The following RGS6 variants were observed in gnomAD, a reference collection of about 807,000 sequenced individuals.
RGS6 encodes regulator of G-protein signaling 6.
In RGS6, 30 loss-of-function variants were observed where a neutral mutation model predicts 78.5. The ratio of observed to expected loss-of-function variants is 0.38; its 90% CI spans 0.29 to 0.52. The LOEUF is 0.52. RGS6 is among the 20% of genes least tolerant of loss of function. The pLI is 0.85. For missense variants in RGS6, 495 were observed against 609.7 expected (o/e 0.81, Z 1.98); for synonymous variants, 206 against 206.0 (o/e 1.00, Z 0.00).
At chr14:72,248,848 T>C (rs1567575047) in intron 2 of RGS6, among the ~76,000 whole-genome samples, 1 of 152,226 alleles carries the variant, frequency 6.6e-6, no homozygotes, top group Non-Finnish European at 1.5e-5. Context: ...GGTTGAGAGT[T>C]ATGAGCACTG....
At chr14:72,093,344 G>A in intron 2 of RGS6, among the ~76,000 whole-genome samples, 1 of 152,142 alleles carries the variant, frequency 6.6e-6, no homozygotes, top group East Asian at 1.9e-4. Flanking sequence ...CCGGGCTCAA[G>A]TGATCCTCCT....
intron 2 of RGS6, among the ~76,000 whole-genome samples, chr14:72,299,794 T>C (rs1432267635): frequency 6.6e-6 from 1 of 152,210 alleles, no homozygotes; most frequent in African/African-American, 2.4e-5. Context: ...TGGGGAAATA[T>C]CCATTCAGCC....
intron 2 of RGS6, among the ~76,000 whole-genome samples, chr14:72,308,768 G>T (rs1320445983): frequency 6.6e-6 from 1 of 152,122 alleles, no homozygotes; most frequent in African/African-American, 2.4e-5. Flanking sequence ...GCCAAAAGGG[G>T]GTGCAATATT....
intron 2 of RGS6, among the ~76,000 whole-genome samples, chr14:72,342,446 A>T (rs1231868681): frequency 6.6e-6 from 1 of 151,954 alleles, no homozygotes; most frequent in Non-Finnish European, 1.5e-5. Flanking sequence ...CACACATGTA[A>T]TCCCAGCTAC....
At chr14:72,028,079 C>A (rs2090214617) in intron 2 of RGS6, among the ~76,000 whole-genome samples, 1 of 152,206 alleles carries the variant, frequency 6.6e-6, no homozygotes, top group Non-Finnish European at 1.5e-5. Flanking sequence ...ACAAAGCCAA[C>A]CTTGCAGTTT....
intron 3 of RGS6, among the ~76,000 whole-genome samples, chr14:72,358,681 G>C (rs1384874529): frequency 2.6e-5 from 4 of 152,342 alleles, no homozygotes; most frequent in African/African-American, 7.2e-5. Context: ...TAACTAGCTT[G>C]CTTTTGATTT....
chr14:71,950,713 A>G (rs1461678539), intron 1 of RGS6, among the ~76,000 whole-genome samples: 2 of 152,164 alleles, frequency 1.3e-5, no homozygotes, highest in Non-Finnish European at 2.9e-5. Flanking sequence ...ACTTAAATTT[A>G]TGAGCAAAAA....
At chr14:72,304,877 T>C (rs1442663698) in intron 2 of RGS6, among the ~76,000 whole-genome samples, 1 of 93,260 alleles carries the variant, frequency 1.1e-5, no homozygotes, top group East Asian at 3.3e-4. Context: ...AGATTCTGTC[T>C]CAAAAAAATA....
rs1381340807 is a variant in RGS6, at chr14:72,477,094, A to G, written c.792+254A>G. 1.6e-5 allele frequency: 7 copies of G among 448,904 alleles called. No individual in the cohort carries two copies. In the East Asian group the frequency reaches 2.7e-4, roughly 17 times the overall value. The allele number at this position is 448,904 out of a possible 1,614,324, so 27.8% of individuals were successfully genotyped here. On this transcript the variant is annotated intron_variant, in intron 11 of 17. Transcript: ENST00000553525. The stretch of plus-strand genomic sequence containing the variant: ...ATGAGTCATCCCATGCCTTGGGGTA[A>G]CTGCTGTAATGGGGTTTCCCACAGT...
chr14:71,868,653 A>ATTTAGTTAAAT, the RGS6 span, among the ~76,000 whole-genome samples: 2 of 152,176 alleles, frequency 1.3e-5, no homozygotes, highest in Admixed American at 1.3e-4. Context: ...ACCTTTAGTG[A>ATTTAGTTAAAT]ACCACTCGAT....
At chr14:72,010,714 A>G (rs1309643821) in intron 2 of RGS6, among the ~76,000 whole-genome samples, 4 of 152,228 alleles carry the variant, frequency 2.6e-5, no homozygotes, top group African/African-American at 9.6e-5. Context: ...GGGGAGGAAG[A>G]TAACAATCTA....
At chr14:72,573,366 T>C in the RGS6 span, among the ~76,000 whole-genome samples, 9 of 152,184 alleles carry the variant, frequency 5.9e-5, no homozygotes, top group African/African-American at 2.2e-4. Flanking sequence ...AGTGTGGCCT[T>C]AGGCAGCTGG....
chr14:72,157,981 A>G (rs1481749735), intron 2 of RGS6, among the ~76,000 whole-genome samples: 2 of 152,002 alleles, frequency 1.3e-5, no homozygotes, highest in Non-Finnish European at 2.9e-5. Flanking sequence ...TCCTAATGCT[A>G]TCCCTCCCTT....
chr14:71,974,970 T>A (rs2094027837), intron 2 of RGS6, among the ~76,000 whole-genome samples: 1 of 152,052 alleles, frequency 6.6e-6, no homozygotes, highest in Non-Finnish European at 1.5e-5. Flanking sequence ...GGAGACAACA[T>A]CTCTACAAAA....
the RGS6 span, among the ~76,000 whole-genome samples, chr14:72,602,112 T>C: frequency 6.6e-6 from 1 of 152,224 alleles, no homozygotes; most frequent in Admixed American, 6.5e-5. Context: ...AGATAGAAGA[T>C]GGCTATAATT....
At chr14:71,928,930 G>A (rs1290900682), upstream of RGS6, among the ~76,000 whole-genome samples, 1 of 152,160 alleles carries the variant, frequency 6.6e-6, no homozygotes, top group Non-Finnish European at 1.5e-5. Context: ...TAAAAGGGAA[G>A]ACAATTTTTT....
the RGS6 span, among the ~76,000 whole-genome samples, chr14:71,898,840 G>A: frequency 6.6e-5 from 10 of 152,166 alleles, no homozygotes; most frequent in African/African-American, 2.2e-4. Context: ...CAAGGGACAT[G>A]AACTCAATTC....
intron 2 of RGS6, among the ~76,000 whole-genome samples, chr14:71,981,029 T>C (rs1472873643): frequency 3.4e-5 from 5 of 147,508 alleles, no homozygotes; most frequent in African/African-American, 5.0e-5. Flanking sequence ...CCATTGCTGA[T>C]ACCCTTTCTT....
At chr14:71,963,411 T>C (rs2093332092) in intron 1 of RGS6, among the ~76,000 whole-genome samples, 1 of 152,216 alleles carries the variant, frequency 6.6e-6, no homozygotes, top group African/African-American at 2.4e-5. Context: ...TTAAAGTGTA[T>C]AATTCAGTGG....
Sources: allele counts gnomAD v4.1 joint callset (sites outside exome capture counted in the v4.1 genomes callset), GRCh38; gene constraint gnomAD v4.1.1; transcripts MANE v1.5; gene names NCBI Gene and HGNC (gene_info 2026-07-23, HGNC 2026-07-21).